Variants in LRPPRC observed in about 807,000 individuals in gnomAD.
The protein encoded by LRPPRC is leucine rich pentatricopeptide repeat containing, also known as leucine-rich PPR motif-containing protein, mitochondrial.
A neutral mutation model predicts 180.3 loss-of-function variants in LRPPRC; 120 were observed. The observed-to-expected ratio is 0.67, with a 90% CI of 0.57 to 0.77. The LOEUF is 0.77. LRPPRC is among the 30% of genes least tolerant of loss of function. The pLI, the probability that LRPPRC is intolerant of heterozygous loss-of-function variation, is 0.00. For missense variants in LRPPRC, 2,012 were observed against 1,657.2 expected (o/e 1.21, Z -3.72); for synonymous variants, 723 against 600.0 (o/e 1.21, Z -3.00).
At chr2:43,907,912 T>C (rs979116627) in intron 30 of LRPPRC, among the ~76,000 whole-genome samples, 3 of 152,182 alleles carry the variant, frequency 2.0e-5, no homozygotes, top group Admixed American at 6.5e-5. Context: ...GATTAATGGA[T>C]TTTAGGTAAC....
chr2:43,896,612 G>A, intron 35 of LRPPRC, 22 bp downstream of exon 35: 1 of 1,460,120 alleles, frequency 6.8e-7, no homozygotes. Flanking sequence ...TCATTGATTT[G>A]TAAGCAGGTA....
intron 1 of LRPPRC, among the ~76,000 whole-genome samples, chr2:43,987,625 C>T (rs1674587846): frequency 6.6e-6 from 1 of 152,060 alleles, no homozygotes; most frequent in African/African-American, 2.4e-5. Context: ...CAAAGTCTCT[C>T]AGCCTTTACA....
At chr2:43,912,338 T>C in intron 30 of LRPPRC, 94 bp downstream of exon 30, 1 of 1,175,756 alleles carries the variant, frequency 8.5e-7, no homozygotes, top group Non-Finnish European at 1.3e-6. Flanking sequence ...ATCAAGCAAT[T>C]TTACTACACA....
chr2:43,893,855 C>A (rs1670585563), intron 36 of LRPPRC, among the ~76,000 whole-genome samples: 1 of 152,126 alleles, frequency 6.6e-6, no homozygotes, highest in South Asian at 2.1e-4. Flanking sequence ...AGTCTGTTGT[C>A]CTCCCATAGA....
intron 1 of LRPPRC, among the ~76,000 whole-genome samples, chr2:43,986,813 C>G (rs1021078007): frequency 6.6e-6 from 1 of 152,122 alleles, no homozygotes. Flanking sequence ...AAAATTAAAC[C>G]TAGACAGTGA....
At chr2:43,922,127 A>G (rs1224839448) in intron 27 of LRPPRC, among the ~76,000 whole-genome samples, 3 of 152,220 alleles carry the variant, frequency 2.0e-5, no homozygotes, top group Non-Finnish European at 4.4e-5. Context: ...TGTCACAATG[A>G]AAGGTCACAA....
At chr2:43,977,801 T>C (rs893149526) in intron 3 of LRPPRC, among the ~76,000 whole-genome samples, 1 of 152,178 alleles carries the variant, frequency 6.6e-6, no homozygotes, top group African/African-American at 2.4e-5. Context: ...TTGTTTTCTT[T>C]GTATCCCTAC....
chr2:43,901,064 T>C (rs1330436507), intron 32 of LRPPRC, among the ~76,000 whole-genome samples: 1 of 152,194 alleles, frequency 6.6e-6, no homozygotes, highest in East Asian at 1.9e-4. Context: ...CTGGCATATA[T>C]ACACAGGAAT....
At chr2:43,917,229 T>C (rs1296954623) in intron 29 of LRPPRC, among the ~76,000 whole-genome samples, 2 of 151,624 alleles carry the variant, frequency 1.3e-5, no homozygotes, top group East Asian at 2.0e-4. Flanking sequence ...CTAGTAGAGA[T>C]GGAGTTTCAC....
intron 16 of LRPPRC, among the ~76,000 whole-genome samples, chr2:43,948,730 G>C (rs1024893417): frequency 3.3e-5 from 5 of 152,096 alleles, no homozygotes; most frequent in African/African-American, 1.2e-4. Context: ...TTTTCAGACC[G>C]AGTGACAGCT....
intron 27 of LRPPRC, 45 bp downstream of exon 27, chr2:43,925,022 T>G (rs752813191): frequency 8.8e-7 from 1 of 1,131,452 alleles, no homozygotes; most frequent in Non-Finnish European, 1.4e-6. Context: ...TGCCACTGCC[T>G]TCAACAGAAT....
rs761889380 is a variant in LRPPRC, at chr2:43,901,297, A to G, written c.3569+23T>C. 3.4e-5 allele frequency: 55 copies of G among 1,602,248 alleles called. No homozygotes were observed. The South Asian group carries it at 5.7e-4, about 17-fold the overall frequency. On this transcript the variant is annotated intron_variant, in intron 32 of 37. Transcript: ENST00000260665. ...GCCCATTCTAGTGACCAATGAAGGA[A>G]AAGAAGGCTTGCAAATACTCACTTC...
At chr2:43,962,263 T>TA (rs368251188) in intron 12 of LRPPRC, among the ~76,000 whole-genome samples, 143 of 152,290 alleles carry the variant, frequency 9.4e-4, no homozygotes, top group African/African-American at 3.3e-3. Flanking sequence ...GAAAGTTACT[T>TA]AAAAAATTTT....
At chr2:43,935,256 T>G (rs977850813) in intron 23 of LRPPRC, among the ~76,000 whole-genome samples, 4 of 152,238 alleles carry the variant, frequency 2.6e-5, no homozygotes, top group Non-Finnish European at 2.9e-5. Flanking sequence ...CGTCAAATAC[T>G]TTTTTCCAAT....
At chr2:43,918,800 T>TATAG (rs1558938229) in intron 27 of LRPPRC, among the ~76,000 whole-genome samples, 5 of 136,754 alleles carry the variant, frequency 3.7e-5, no homozygotes, top group African/African-American at 1.6e-4. Context: ...TAGATATATA[T>TATAG]ATATATATAG....
chr2:43,909,872 A>G (rs1671196806), intron 30 of LRPPRC, among the ~76,000 whole-genome samples: 1 of 152,162 alleles, frequency 6.6e-6, no homozygotes, highest in South Asian at 2.1e-4. Context: ...TAAGGCAAAT[A>G]GACGGTCATG....
chr2:43,964,566 C>T (rs954182533), intron 11 of LRPPRC, among the ~76,000 whole-genome samples: 25 of 152,182 alleles, frequency 1.6e-4, no homozygotes, highest in African/African-American at 5.1e-4. Flanking sequence ...ACATTTCTTT[C>T]GAATTTGTTA....
intron 35 of LRPPRC, chr2:43,896,403 G>C (rs1217572103): frequency 7.3e-6 from 3 of 411,438 alleles, no homozygotes; most frequent in Non-Finnish European, 1.3e-5. Flanking sequence ...CTTTTCTTGG[G>C]GCTCTCAATG....
intron 1 of LRPPRC, among the ~76,000 whole-genome samples, chr2:43,987,367 C>T (rs1434780833): frequency 1.3e-5 from 2 of 151,642 alleles, no homozygotes; most frequent in African/African-American, 2.4e-5. Flanking sequence ...CCGTGGCGGG[C>T]GCCTATAGTC....
Sources: allele counts gnomAD v4.1 joint callset (sites outside exome capture counted in the v4.1 genomes callset), GRCh38; gene constraint gnomAD v4.1.1; transcripts MANE v1.5; gene names NCBI Gene and HGNC (gene_info 2026-07-23, HGNC 2026-07-21).